The following ENPP1 variants were observed in gnomAD, a reference collection of about 807,000 sequenced individuals.
The protein encoded by ENPP1 is ectonucleotide pyrophosphatase/phosphodiesterase 1.
In ENPP1, 73 loss-of-function variants were observed where a neutral mutation model predicts 122.8. The ratio of observed to expected loss-of-function variants is 0.59; its 90% CI spans 0.49 to 0.72. The LOEUF (loss-of-function observed/expected upper bound fraction) is 0.72, where lower values mean the gene tolerates loss of function less well. Ranked by LOEUF, ENPP1 falls within the 30% of genes least tolerant of loss-of-function variation. The pLI is 0.00. For missense variants in ENPP1, 978 were observed against 1,128.1 expected (o/e 0.87, Z 1.91); for synonymous variants, 367 against 391.6 (o/e 0.94, Z 0.74).
At chr6:131,867,209 A>G (rs759331425) in intron 11 of ENPP1, among the ~76,000 whole-genome samples, 1 of 152,226 alleles carries the variant, frequency 6.6e-6, no homozygotes, top group Non-Finnish European at 1.5e-5. Flanking sequence ...GTCTTGTTTC[A>G]TGTTACAGTG....
intron 6 of ENPP1, among the ~76,000 whole-genome samples, chr6:131,856,028 T>C (rs1023956554): frequency 3.9e-5 from 6 of 152,158 alleles, no homozygotes; most frequent in African/African-American, 9.6e-5. Flanking sequence ...TGTAAATTCA[T>C]ATGTACGTCA....
chr6:131,828,204 A>T (rs1781569216), intron 1 of ENPP1: 13 of 570,246 alleles, frequency 2.3e-5, no homozygotes, highest in Non-Finnish European at 3.8e-5. Context: ...GGCTTTCAGG[A>T]TGTTCCAAGG....
At position 131,808,234 on chromosome 6, in the gene ENPP1, C is replaced by T. The variant is rs1017385280; in HGVS notation, c.199C>T (p.Arg67Cys). The change falls in exon 1 of 25, where the codon CGC (arginine) becomes TGC (cysteine). Residue 67 changes from arginine to cysteine, a missense_variant. By Grantham distance (180) the Arg-to-Cys change is radical (BLOSUM62 -3). This residue lies in a region of ENPP1 where 330 missense variants were observed against 328.5 expected (regional missense o/e 1.00). Coordinates refer to ENST00000647893, the MANE Select transcript of ENPP1 (RefSeq NM_006208.3). ...EEPLEKAARA[R>C]TAKDPNTYKV... ...GCCGCTGGAGAAGGCGGCGCGCGCCCGCACTGCCAAGGACCCCAACACCTA... is the reference window on the plus strand; with the variant it reads ...GCCGCTGGAGAAGGCGGCGCGCGCCTGCACTGCCAAGGACCCCAACACCTA... The T allele has an allele frequency of 1.3e-6, 2 of 1,517,084 alleles. No homozygotes were observed. 94.0% of individuals were successfully genotyped at this position (1,517,084 alleles called of 1,614,324 possible).
At chr6:131,814,247 G>A (rs550925374) in intron 1 of ENPP1, among the ~76,000 whole-genome samples, 4 of 152,238 alleles carry the variant, frequency 2.6e-5, no homozygotes, top group East Asian at 3.9e-4. Context: ...AAGAGTTCAC[G>A]ACCTACCTGG....
intron 1 of ENPP1, among the ~76,000 whole-genome samples, chr6:131,814,914 T>C (rs1233350159): frequency 2.0e-5 from 3 of 152,172 alleles, no homozygotes; most frequent in Non-Finnish European, 4.4e-5. Flanking sequence ...AGCTTTTAAT[T>C]GCTTGAATGA....
chr6:131,887,146 G>A (rs1005539409), intron 24 of ENPP1, among the ~76,000 whole-genome samples: 1 of 151,922 alleles, frequency 6.6e-6, no homozygotes, highest in African/African-American at 2.4e-5. Context: ...TTTATCTGAG[G>A]TATGGATTTT....
At chr6:131,850,365 T>A (rs1781865835) in intron 3 of ENPP1, among the ~76,000 whole-genome samples, 1 of 152,214 alleles carries the variant, frequency 6.6e-6, no homozygotes, top group Non-Finnish European at 1.5e-5. Context: ...GCCTTTGTAA[T>A]CTAATTTGCA....
chr6:131,848,532 T>A lies in ENPP1; in HGVS notation c.313+684T>A, dbSNP rs868263103. On this transcript the variant is annotated intron_variant, in intron 2 of 24. Coordinates refer to ENST00000647893, the MANE Select transcript of ENPP1 (RefSeq NM_006208.3). The stretch of plus-strand genomic sequence containing the variant: ...ATTGTAATATTAATTATTTAAAAAA[T>A]TTTTAGTGATTATTAAGCTATCATG... Among the ~76,000 whole-genome samples, 66 of 152,252 alleles carry A rather than the reference T, an allele frequency of 4.3e-4. 1 individual carries two copies. The highest frequency in any genetic ancestry group is 1.5e-3 in the African/African-American group (63 of 41,550).
rs77324163 is a variant in ENPP1 at position 131,879,555 on chromosome 6, C to A, written c.1946-325C>A. ...AAAAAATTTGCTTTCTGGAGTGTGTCCTAAAGAATAAGTAATTAAAATAGT... is the reference window on the plus strand; with the variant it reads ...AAAAAATTTGCTTTCTGGAGTGTGTACTAAAGAATAAGTAATTAAAATAGT... On this transcript the variant is annotated intron_variant, in intron 19 of 24. Transcript: ENST00000647893. 0.014 allele frequency among the ~76,000 whole-genome samples: 2,108 copies of A among 151,966 alleles called. 53 individuals are homozygous for A. Among genetic ancestry groups the A allele is most frequent in the African/African-American group, 0.049 (2,016 of 41,448 alleles).
Position 131,825,150 on chromosome 6 carries a change from A to G in ENPP1, c.240+16875A>G, listed in dbSNP as rs1355411232. Among the ~76,000 whole-genome samples, 6 of 152,208 alleles carry G rather than the reference A, an allele frequency of 3.9e-5. No individual in the cohort carries two copies. The South Asian group carries it at 6.2e-4, about 16-fold the overall frequency. ...TGGTTTCTTTTTTATTTTTGTTCTT[A>G]GTGACAAGTTCTGATTTACTTTTGG... On this transcript the variant is annotated intron_variant, in intron 1 of 24. Coordinates refer to ENST00000647893, the MANE Select transcript of ENPP1 (RefSeq NM_006208.3).
intron 1 of ENPP1, 125 bp from the exon 2 acceptor site, chr6:131,847,651 A>G (rs564835164): frequency 1.8e-4 from 122 of 690,544 alleles, no homozygotes; most frequent in Admixed American, 3.2e-4. Flanking sequence ...GGTTACAGTG[A>G]ACTATGATCA....
chr6:131,872,817 A>G (rs995840027), intron 14 of ENPP1, 106 bp from the exon 15 acceptor site: 9 of 1,132,906 alleles, frequency 7.9e-6, no homozygotes, highest in African/African-American at 1.6e-5. Flanking sequence ...CTTTTTATAG[A>G]TATTAGGGAA....
At chr6:131,840,440 A>G (rs1414420093) in intron 1 of ENPP1, among the ~76,000 whole-genome samples, 1 of 152,228 alleles carries the variant, frequency 6.6e-6, no homozygotes, top group African/African-American at 2.4e-5. Context: ...AACATTGGTA[A>G]AGTTGTACTA....
chr6:131,819,937 TTC>T, intron 1 of ENPP1: 1 of 502,652 alleles, frequency 2.0e-6, no homozygotes, highest in Non-Finnish European at 3.7e-6. Flanking sequence ...TTTCCATAGC[TTC>T]TTTTTTTTTT....
Position 131,858,748 on chromosome 6 carries a change from G to A in ENPP1, c.795+1G>A, listed in dbSNP as rs753851892. 3 of 1,597,234 alleles carry A rather than the reference G, an allele frequency of 1.9e-6. No individual in the cohort carries two copies. The highest frequency in any genetic ancestry group is 1.1e-5 in the South Asian group (1 of 90,704). On this transcript the variant is annotated splice_donor_variant, in intron 7 of 24. Transcript: ENST00000647893. LOFTEE classifies it high-confidence loss of function. ...CCCCAATCACTACAGCATTGTCACC[G>A]TAAGCTCTGCATTTCAACTTCTATC...
intron 1 of ENPP1, among the ~76,000 whole-genome samples, chr6:131,819,351 G>A (rs1409184): frequency 0.35 from 53,765 of 152,006 alleles, 10,163 homozygotes; most frequent in East Asian, 0.45. Context: ...ACAGATATAT[G>A]CATTCTATCG....
chr6:131,828,147 G>T, intron 1 of ENPP1: 1 of 578,646 alleles, frequency 1.7e-6, no homozygotes, highest in South Asian at 1.4e-5. Context: ...TGGATTCCGA[G>T]TGGGATCGGA....
At chr6:131,839,822 ATATATACAGT>A (rs201442888) in intron 1 of ENPP1, among the ~76,000 whole-genome samples, 3,119 of 152,214 alleles carry the variant, frequency 0.02, 97 homozygotes, top group African/African-American at 0.067. Context: ...ATATACAGCC[ATATATACAGT>A]TATATACAGT....
rs1169868832 is a variant in ENPP1 at position 131,877,838 on chromosome 6, CAAAAAAAAAAAAA to C, written c.1894-687_1894-675del. 4 of 12,112 alleles carry C rather than the reference CAAAAAAAAAAAAA, an allele frequency of 3.3e-4. No homozygotes were observed. The South Asian group carries it at 0.021, about 62-fold the overall frequency. The allele number at this position is 12,112 out of a possible 1,614,324, so 0.8% of individuals were successfully genotyped here. A position where few individuals can be genotyped will look rare whatever the true frequency, so the allele number is the denominator to read the frequency against. ...TGGGCAACAGGGCAAGACCCTTTCT[CAAAAAAAAAAAAA>C]AAAAAAAAAAAAAAAATATATATAT... On this transcript the variant is annotated intron_variant, in intron 18 of 24. Transcript: ENST00000647893.
Sources: gnomAD v4.1 joint callset for allele counts (sites outside exome capture counted in the v4.1 genomes callset) on GRCh38, gnomAD v4.1.1 for gene constraint, gnomAD v4.1.1 regional missense constraint, MANE v1.5 for transcripts, NCBI Gene and HGNC (gene_info 2026-07-23, HGNC 2026-07-21) for gene names.